The following POC1B variants were observed in gnomAD, a reference collection of about 807,000 sequenced individuals.
The protein encoded by POC1B is POC1 centriolar protein homolog B.
POC1B carries 44 observed loss-of-function variants against 60.6 expected under a neutral mutation model. That is an observed-to-expected ratio of 0.73 (90% confidence interval 0.57 to 0.93). The LOEUF is 0.93. Among genes scored for constraint, POC1B ranks in the 40% least tolerant of loss-of-function variants. The pLI is 0.00. For synonymous variants in POC1B, 180 were observed against 198.9 expected (o/e 0.90, Z 0.80); for missense variants, 555 against 572.3 (o/e 0.97, Z 0.31).
At position 89,442,225 on chromosome 12, in the gene POC1B, C is replaced by T. The variant is rs181314190; in HGVS notation, c.1114-16846G>A. On this transcript the variant is annotated intron_variant, in intron 10 of 11. Transcript: ENST00000313546. Reference sequence around the variant, plus strand: ...AACTTCCCCAACCTAGCAAGGCAGGCCAACATTCAAATTCAGGAAATACAG... The same window carrying T: ...AACTTCCCCAACCTAGCAAGGCAGGTCAACATTCAAATTCAGGAAATACAG... Among the ~76,000 whole-genome samples the T allele has an allele frequency of 7.2e-5, 11 of 152,222 alleles. No individual in the cohort carries two copies. The East Asian group carries it at 2.1e-3, about 29-fold the overall frequency.
Position 89,485,997 on chromosome 12 carries a change from T to C in POC1B, c.452+5939A>G, listed in dbSNP as rs942760922. Among the ~76,000 whole-genome samples, 3 of 152,086 alleles carry C rather than the reference T, an allele frequency of 2.0e-5. 1 individual carries two copies. The highest frequency in any genetic ancestry group is 7.2e-5 in the African/African-American group (3 of 41,420). ...AGTCTTGGCTCAAACGTCACCTTGG[T>C]AAATATGCCTTCCCTGACCTCGATA... is the stretch of plus-strand genomic sequence containing the variant. On this transcript the variant is annotated intron_variant, in intron 4 of 11. Coordinates refer to ENST00000313546, the MANE Select transcript of POC1B (RefSeq NM_172240.3).
chr12:89,511,693 T>C (rs1033389321), intron 2 of POC1B, among the ~76,000 whole-genome samples: 1 of 152,160 alleles, frequency 6.6e-6, no homozygotes, highest in Admixed American at 6.5e-5. Flanking sequence ...AAGAAATCTA[T>C]GAGAATGAGT....
At chr12:89,404,377 T>G in the POC1B span, among the ~76,000 whole-genome samples, 3 of 152,190 alleles carry the variant, frequency 2.0e-5, no homozygotes, top group African/African-American at 7.2e-5. Context: ...GTGTTTGTCT[T>G]ACTAAGGACA....
At chr12:89,485,547 A>AT (rs1053114880) in intron 4 of POC1B, among the ~76,000 whole-genome samples, 6 of 152,188 alleles carry the variant, frequency 3.9e-5, no homozygotes, top group Non-Finnish European at 5.9e-5. Context: ...AAGAAAACTG[A>AT]TTTTTTAAAA....
At chr12:89,439,835 C>A (rs1881435041) in intron 10 of POC1B, among the ~76,000 whole-genome samples, 1 of 152,076 alleles carries the variant, frequency 6.6e-6, no homozygotes, top group Non-Finnish European at 1.5e-5. Flanking sequence ...GAACTCCTGA[C>A]CTCAGGTGAT....
At chr12:89,500,228 A>C in intron 2 of POC1B, 1 of 1,582,160 alleles carries the variant, frequency 6.3e-7, no homozygotes, top group Middle Eastern at 1.7e-4. Context: ...TGAAGAAAAA[A>C]GTCTTGCCAA....
intron 2 of POC1B, chr12:89,522,459 C>T: frequency 2.8e-6 from 1 of 354,812 alleles, no homozygotes; most frequent in African/African-American, 2.1e-5. Flanking sequence ...ACTTACACAT[C>T]AACATAAATC....
chr12:89,497,102 C>G, intron 3 of POC1B, 69 bp downstream of exon 3: 2 of 1,497,792 alleles, frequency 1.3e-6, no homozygotes, highest in Non-Finnish European at 1.8e-6. Context: ...GCATGAGCAG[C>G]AGCCAGGGTC....
intron 2 of POC1B, among the ~76,000 whole-genome samples, chr12:89,511,415 C>CAAAA (rs796324772): frequency 9.6e-6 from 1 of 104,484 alleles, no homozygotes; most frequent in African/African-American, 3.3e-5. Flanking sequence ...GACTCTGTCT[C>CAAAA]AAAAAAAAAA....
chr12:89,525,187 C>T lies in POC1B; in HGVS notation c.33G>A (p.Glu11=). 1.2e-6 allele frequency: 2 copies of T among 1,611,976 alleles called. No individual in the cohort carries two copies. The highest frequency in any genetic ancestry group is 2.2e-5 in the South Asian group (2 of 91,036). MASATEDPVL[E]RYFKGHKAAI... Reference sequence around the variant, plus strand: ...CAGCTTTGTGGCCTTTGAAATAACGCTCCAGAACGGGGTCCTCCTGGAAAG... The same window carrying T: ...CAGCTTTGTGGCCTTTGAAATAACGTTCCAGAACGGGGTCCTCCTGGAAAG... The change falls in exon 2 of 12, where the codon GAG becomes GAA. Residue 11 remains glutamate (E), a synonymous_variant. Coordinates refer to ENST00000313546, the MANE Select transcript of POC1B (RefSeq NM_172240.3).
Position 89,492,048 on chromosome 12 carries a change from C to CA in POC1B, c.339dup (p.Gly114TrpfsTer9). 1 of 1,609,282 alleles carries CA rather than the reference C, an allele frequency of 6.2e-7. No individual in the cohort carries two copies. The highest frequency in any genetic ancestry group is 1.1e-5 in the South Asian group (1 of 89,784). On this transcript the variant is annotated frameshift_variant, in exon 4 of 12. Transcript: ENST00000313546. LOFTEE classifies it high-confidence loss of function. ...TCAGAAGCTGTAGCTAGAAACTGGC[C>CA]ATCAGCTGAAAAGTCTACACTTCGA...
intron 2 of POC1B, chr12:89,523,604 C>A: frequency 6.4e-7 from 1 of 1,560,604 alleles, no homozygotes; most frequent in Non-Finnish European, 8.6e-7. Flanking sequence ...TTCTTGCTGA[C>A]AGCAAACAGT....
At chr12:89,520,581 T>C (rs1240366584) in intron 2 of POC1B, 1 of 152,322 alleles carries the variant, frequency 6.6e-6, no homozygotes, top group East Asian at 1.9e-4. Context: ...TGATAAACTT[T>C]AAGGCTGCTA....
At chr12:89,481,173 T>C (rs1414568320) in intron 4 of POC1B, among the ~76,000 whole-genome samples, 2 of 152,244 alleles carry the variant, frequency 1.3e-5, no homozygotes, top group Admixed American at 6.5e-5. Flanking sequence ...CTGGCTCTAA[T>C]TGTTTTCTTG....
intron 4 of POC1B, among the ~76,000 whole-genome samples, chr12:89,482,682 A>G (rs948115031): frequency 1.3e-5 from 2 of 152,208 alleles, no homozygotes; most frequent in African/African-American, 4.8e-5. Context: ...TCAGGCTGCT[A>G]TAACAAAATA....
intron 9 of POC1B, among the ~76,000 whole-genome samples, chr12:89,465,209 G>A (rs910128052): frequency 4.6e-5 from 7 of 152,288 alleles, no homozygotes; most frequent in African/African-American, 1.4e-4. Context: ...TACCATAAGA[G>A]CAGAGCCACT....
At chr12:89,521,093 CACTT>C (rs1870813481) in intron 2 of POC1B, 1 of 147,002 alleles carries the variant, frequency 6.8e-6, no homozygotes, top group Non-Finnish European at 1.5e-5. Context: ...GAGTTCAGCT[CACTT>C]ATTTTATTAT....
In POC1B at chr12:89,442,605, C is replaced by T. The variant is rs1267319245; in HGVS notation, c.1113+17033G>A. Among the ~76,000 whole-genome samples the T allele has an allele frequency of 3.3e-5, 5 of 152,222 alleles. 1 individual carries two copies. ...GCCTTACAAGAGCTCCTGAAGGAAG[C>T]ACTAAACATGGAAAGGAACAACCGG... On this transcript the variant is annotated intron_variant, in intron 10 of 11. Coordinates refer to ENST00000313546, the MANE Select transcript of POC1B (RefSeq NM_172240.3).
intron 8 of POC1B, 105 bp from the exon 9 acceptor site, chr12:89,467,027 G>A: frequency 1.2e-6 from 1 of 826,858 alleles, no homozygotes; most frequent in Non-Finnish European, 1.8e-6. Context: ...AAAGTAGGAA[G>A]GGTAGATATA....
Sources: allele counts gnomAD v4.1 joint callset (sites outside exome capture counted in the v4.1 genomes callset), GRCh38; gene constraint gnomAD v4.1.1; transcripts MANE v1.5; gene names NCBI Gene and HGNC (gene_info 2026-07-23, HGNC 2026-07-21).